The following FDCSP variants were observed in gnomAD, a reference collection of about 807,000 sequenced individuals.
FDCSP encodes the protein follicular dendritic cell secreted protein.
FDCSP carries 8 observed loss-of-function variants against 8.9 expected under a neutral mutation model. That is an observed-to-expected ratio of 0.90 (90% confidence interval 0.53 to 1.63). The LOEUF (loss-of-function observed/expected upper bound fraction) is 1.63. FDCSP is among the 40% of genes most tolerant of loss of function. The pLI, the probability that FDCSP is intolerant of heterozygous loss-of-function variation, is 0.00. For synonymous variants in FDCSP, 34 were observed against 34.5 expected, an observed-to-expected ratio of 0.98 and a Z score of 0.06; for missense variants, 101 against 103.6, an observed-to-expected ratio of 0.98 and a Z score of 0.11.
intron 2 of FDCSP, among the ~76,000 whole-genome samples, 197 bp downstream of exon 2, chr4:70,231,448 C>A (rs917142623): frequency 1.3e-5 from 2 of 151,564 alleles, no homozygotes; most frequent in African/African-American, 4.8e-5. Flanking sequence ...AGTTCAAGAC[C>A]AGCCTGGGCA....
chr4:70,230,610 T>A (rs188525907), intron 1 of FDCSP, among the ~76,000 whole-genome samples: 2 of 151,796 alleles, frequency 1.3e-5, no homozygotes, highest in African/African-American at 4.8e-5. Flanking sequence ...GACTGCAGGA[T>A]GGATTTTGTG....
At position 70,232,623 on chromosome 4, in the gene FDCSP, A is replaced by T. The variant is rs77053188; in HGVS notation, c.58-371A>T. ...CTCTATATTTTGTCTTGATTCATGAATCTTAAGGGTTTTTTTCTCCTTCAC... is the reference window on the plus strand; with the variant it reads ...CTCTATATTTTGTCTTGATTCATGATTCTTAAGGGTTTTTTTCTCCTTCAC... On this transcript the variant is annotated intron_variant, in intron 2 of 4. Coordinates refer to ENST00000317987, the MANE Select transcript of FDCSP (RefSeq NM_152997.4). Among the ~76,000 whole-genome samples the T allele has an allele frequency of 5.5e-3, 834 of 151,570 alleles. 10 individuals are homozygous for T. The highest frequency in any genetic ancestry group is 0.019 in the African/African-American group (789 of 41,446).
In FDCSP at chr4:70,234,063, C is replaced by T. The variant is rs1730132717; in HGVS notation, c.134C>T (p.Pro45Leu). Reference protein sequence around the residue: ...DELASGFFVFPYPYPFRPLPP... With the variant: ...DELASGFFVFLYPYPFRPLPP... ...TTAGCTTCAGGGTTTTTTGTGTTCC[C>T]TTACCCATATCCATTTCGCCCACTT... Residue 45 changes from proline (P) to leucine (L), a missense_variant, in exon 4 of 5, where the codon CCT (proline) becomes CTT (leucine). Transcript: ENST00000317987. 8 of 1,609,992 alleles carry T rather than the reference C, an allele frequency of 5.0e-6. No individual in the cohort carries two copies. Among genetic ancestry groups the T allele is most frequent in the Non-Finnish European group, 6.8e-6 (8 of 1,177,536 alleles).
intron 1 of FDCSP, among the ~76,000 whole-genome samples, chr4:70,226,906 T>G (rs1277520076): frequency 6.6e-6 from 1 of 151,924 alleles, no homozygotes; most frequent in Non-Finnish European, 1.5e-5. Context: ...TTAATGTAGT[T>G]TTGAATAATT....
Position 70,234,027 on chromosome 4 carries a change from AC to A in FDCSP, c.99del (p.Asp33GlufsTer5), listed in dbSNP as rs1560493063. 1 of 1,604,952 alleles carries A rather than the reference AC, an allele frequency of 6.2e-7. No individual in the cohort carries two copies. Among genetic ancestry groups the A allele is most frequent in the East Asian group, 2.2e-5 (1 of 44,646 alleles). On this transcript the variant is annotated frameshift_variant, in exon 4 of 5. Transcript: ENST00000317987. LOFTEE classifies it high-confidence loss of function. ...DQEREKRSIS[D>X]SDELASGFFV... Reference sequence around the variant, plus strand: ...ACTTCTTTCTTTCAACAGATCAGTGACAGCGATGAATTAGCTTCAGGGTTTT... The same window carrying A: ...ACTTCTTTCTTTCAACAGATCAGTGAAGCGATGAATTAGCTTCAGGGTTTT...
intron 4 of FDCSP, 98 bp downstream of exon 4, chr4:70,234,313 C>A (rs1730138101): frequency 8.2e-6 from 8 of 973,870 alleles, no homozygotes; most frequent in Non-Finnish European, 1.2e-5. Context: ...CCCTAGTTGG[C>A]CCCTTTCAGT....
In FDCSP at chr4:70,231,263, C is replaced by G. The variant is rs1514407; in HGVS notation, c.57+12C>G. 1.8e-5 allele frequency: 29 copies of G among 1,592,006 alleles called. No individual in the cohort carries two copies. Among genetic ancestry groups the G allele is most frequent in the African/African-American group, 2.7e-5 (2 of 73,752 alleles). Reference sequence around the variant, plus strand: ...CTGTTGGTTTCCCAGTAAGTATCCACGTATACATTCCAAAATATTTATGTA... The same window carrying G: ...CTGTTGGTTTCCCAGTAAGTATCCAGGTATACATTCCAAAATATTTATGTA... On this transcript the variant is annotated intron_variant, in intron 2 of 4. Transcript: ENST00000317987.
chr4:70,227,920 T>G (rs1461067032), intron 1 of FDCSP, among the ~76,000 whole-genome samples: 1 of 151,860 alleles, frequency 6.6e-6, no homozygotes, highest in Non-Finnish European at 1.5e-5. Flanking sequence ...ATAATCTTTT[T>G]GCTGGTGTAG....
At chr4:70,227,052 T>A (rs1729998939) in intron 1 of FDCSP, among the ~76,000 whole-genome samples, 2 of 152,016 alleles carry the variant, frequency 1.3e-5, no homozygotes, top group East Asian at 3.9e-4. Flanking sequence ...ATGGTATATA[T>A]CACGCTTTTT....
At chr4:70,230,608 G>A (rs1730064247) in intron 1 of FDCSP, among the ~76,000 whole-genome samples, 1 of 151,620 alleles carries the variant, frequency 6.6e-6, no homozygotes, top group Admixed American at 6.6e-5. Flanking sequence ...TGGACTGCAG[G>A]ATGGATTTTG....
At chr4:70,227,731 A>G (rs1730011947) in intron 1 of FDCSP, among the ~76,000 whole-genome samples, 1 of 151,788 alleles carries the variant, frequency 6.6e-6, no homozygotes, top group East Asian at 1.9e-4. Context: ...ATGAGTATCA[A>G]AGTTAGGCAG....
At chr4:70,233,714 A>C (rs1487323751) in intron 3 of FDCSP, among the ~76,000 whole-genome samples, 1 of 151,678 alleles carries the variant, frequency 6.6e-6, no homozygotes, top group Non-Finnish European at 1.5e-5. Flanking sequence ...TTGCATGAAG[A>C]CAAAGGGAGA....
In FDCSP at chr4:70,233,148, G is replaced by C. The variant is rs563672683; in HGVS notation, c.90+122G>C. 14 of 785,182 alleles carry C rather than the reference G, an allele frequency of 1.8e-5. No homozygotes were observed. In the South Asian group the frequency reaches 2.4e-4, roughly 13 times the overall value. The allele number at this position is 785,182 out of a possible 1,614,324, so 48.6% of individuals were successfully genotyped here. ...TGGAGAGATTCATAAAGAGCTTTTG[G>C]TATTAGCACTCAACAGAGGTTTAGA... On this transcript the variant is annotated intron_variant, in intron 3 of 4. Transcript: ENST00000317987.
chr4:70,234,122 A>C lies in FDCSP; in HGVS notation c.193A>C (p.Arg65=). The change falls in exon 4 of 5, where the codon AGA becomes CGA. Residue 65 remains arginine (R), a synonymous_variant. Transcript: ENST00000317987. The part of the protein sequence containing the change: ...PIPFPRFPWF[R]RNFPIPIPES... ...TCCATTTCCAAGATTTCCATGGTTT[A>C]GACGTAATTTTCCTATTCCAATACC... The C allele has an allele frequency of 6.2e-7, 1 of 1,611,458 alleles. No individual in the cohort carries two copies. Among genetic ancestry groups the C allele is most frequent in the African/African-American group, 1.3e-5 (1 of 74,774 alleles).
rs1730156179 is a variant in FDCSP at position 70,235,249 on chromosome 4, CA to C, written c.*196del. The stretch of plus-strand genomic sequence containing the variant: ...AAAGATTTTGGTTTCTTAATTTCCA[CA>C]AATTCCATGATTAGTACTCAATTTG... On this transcript the variant is annotated 3_prime_UTR_variant, in exon 5 of 5. Transcript: ENST00000317987. The C allele has an allele frequency of 6.6e-6, 1 of 151,754 alleles. No homozygotes were observed. Among genetic ancestry groups the C allele is most frequent in the Non-Finnish European group, 1.5e-5 (1 of 67,842 alleles). 9.4% of individuals were successfully genotyped at this position (151,754 alleles called of 1,614,324 possible).
chr4:70,234,269 C>T, intron 4 of FDCSP, 54 bp downstream of exon 4: 1 of 1,402,452 alleles, frequency 7.1e-7, no homozygotes, highest in Non-Finnish European at 9.6e-7. Context: ...GATTGGAATC[C>T]ATAATTTCAA....
chr4:70,234,187 A>C lies in FDCSP; in HGVS notation c.258A>C (p.Ter86TyrextTer34), dbSNP rs769400683. The change falls in exon 4 of 5, where the codon TAA (stop) becomes TAC (tyrosine). Residue 86 changes from the stop codon to tyrosine, a stop_lost. Transcript: ENST00000317987. ...APTTPLPSEK[*>Y] Reference sequence around the variant, plus strand: ...CAACTCCCCTTCCTAGCGAAAAGTAAACAAGAAGGAAAAGTCACGATAAAC... The same window carrying C: ...CAACTCCCCTTCCTAGCGAAAAGTACACAAGAAGGAAAAGTCACGATAAAC... 5.6e-6 allele frequency: 9 copies of C among 1,608,378 alleles called. No homozygotes were observed. The highest frequency in any genetic ancestry group is 7.6e-6 in the Non-Finnish European group (9 of 1,176,822).
intron 1 of FDCSP, among the ~76,000 whole-genome samples, chr4:70,229,952 G>A (rs1187466971): frequency 6.6e-6 from 1 of 151,636 alleles, no homozygotes; most frequent in Admixed American, 6.6e-5. Flanking sequence ...AGCATGTGCT[G>A]TTGGAAAAAT....
intron 1 of FDCSP, among the ~76,000 whole-genome samples, chr4:70,228,892 G>A (rs113510115): frequency 1.8e-4 from 28 of 151,862 alleles, no homozygotes; most frequent in African/African-American, 6.5e-4. Context: ...ACAGAGCACA[G>A]GAAGAGTAGA....
Sources: gnomAD v4.1 joint callset for allele counts (sites outside exome capture counted in the v4.1 genomes callset) on GRCh38, gnomAD v4.1.1 for gene constraint, MANE v1.5 for transcripts, NCBI Gene and HGNC (gene_info 2026-07-23, HGNC 2026-07-21) for gene names.